Variants in CHL1 observed in about 807,000 individuals in gnomAD.
CHL1 encodes the protein cell adhesion molecule L1 like, also known as neural cell adhesion molecule L1-like protein.
Under a neutral mutation model 141.9 loss-of-function variants are expected in CHL1, and 96 were observed. The observed-to-expected ratio is 0.68, with a 90% CI of 0.57 to 0.80. The LOEUF (loss-of-function observed/expected upper bound fraction) is 0.80. Ranked by LOEUF, CHL1 falls within the 30% of genes least tolerant of loss-of-function variation. The pLI, the probability that CHL1 is intolerant of heterozygous loss-of-function variation, is 0.00. For synonymous variants in CHL1, 613 were observed against 502.2 expected (o/e 1.22, Z -2.95); for missense variants, 1,820 against 1,457.2 (o/e 1.25, Z -4.05).
chr3:354,642 C>T lies in CHL1; in HGVS notation c.1036C>T (p.Pro346Ser), dbSNP rs149418187. ...TGAGCTCTTCACTTTACATCCAGAG[C>T]CTCCTCGCTGGACAAAGAAGCCTCA... ...THDFHVIVEEPPRWTKKPQSA... is the reference protein window; with the variant it reads ...THDFHVIVEESPRWTKKPQSA... Residue 346 changes from proline to serine, a missense_variant and splice_region_variant, in exon 11 of 28, where the codon CCT (proline) becomes TCT (serine). Transcript: ENST00000256509. 3 of 1,610,508 alleles carry T rather than the reference C, an allele frequency of 1.9e-6. No homozygotes were observed. The African/African-American group carries it at 4.0e-5, about 22-fold the overall frequency.
chr3:351,456 T>G (rs1703249113), intron 10 of CHL1, among the ~76,000 whole-genome samples: 3 of 152,210 alleles, frequency 2.0e-5, no homozygotes, highest in Admixed American at 2.0e-4. Context: ...TTACTTTTTT[T>G]TCTAAAGTGT....
intron 8 of CHL1, among the ~76,000 whole-genome samples, chr3:343,557 C>T (rs901286765): frequency 2.0e-5 from 3 of 152,130 alleles, no homozygotes; most frequent in Non-Finnish European, 2.9e-5. Flanking sequence ...CCCCATAGAA[C>T]GTCTACCAGA....
intron 2 of CHL1, among the ~76,000 whole-genome samples, chr3:277,559 C>A (rs146821307): frequency 0.016 from 2,447 of 152,204 alleles, 80 homozygotes; most frequent in African/African-American, 0.056. Flanking sequence ...CCAATTGCTT[C>A]CGTTTTAAAC....
rs973463818 is a variant in CHL1, at chr3:262,549, C to T, written c.-95+17857C>T. 3.3e-5 allele frequency among the ~76,000 whole-genome samples: 5 copies of T among 149,294 alleles called. No homozygotes were observed. The South Asian group carries it at 8.6e-4, about 26-fold the overall frequency. ...CAGTACTTACAGGGCAGGATTCACA[C>T]GTTTAAGCCTAGATCTACACAGTAC... is the stretch of plus-strand genomic sequence containing the variant. On this transcript the variant is annotated intron_variant, in intron 2 of 27. Transcript: ENST00000256509.
In CHL1 at chr3:367,418, G is replaced by A. The variant is rs1391731883; in HGVS notation, c.1751+1303G>A. 3.9e-5 allele frequency among the ~76,000 whole-genome samples: 6 copies of A among 152,196 alleles called. No homozygotes were observed. The East Asian group carries it at 1.2e-3, about 29-fold the overall frequency. On this transcript the variant is annotated intron_variant, in intron 15 of 27. Transcript: ENST00000256509. ...CAAATCTCAGCTCAGTCACTTATTA[G>A]ATCTTTGAACTTAGACAAGCTGCTT...
intron 2 of CHL1, among the ~76,000 whole-genome samples, chr3:278,591 C>T (rs971668423): frequency 6.6e-6 from 1 of 152,178 alleles, no homozygotes; most frequent in Admixed American, 6.5e-5. Context: ...ATAAAATTAA[C>T]CTGTTTTCCT....
At chr3:300,694 A>G (rs331879) in intron 2 of CHL1, among the ~76,000 whole-genome samples, 35,145 of 152,088 alleles carry the variant, frequency 0.23, 5,838 homozygotes, top group African/African-American at 0.45. Context: ...CAAGCATCAT[A>G]AGACATTACA....
At position 234,449 on chromosome 3, in the gene CHL1, C is replaced by T. The variant is rs201984560; in HGVS notation, c.-174-10164C>T. 6.6e-5 allele frequency among the ~76,000 whole-genome samples: 10 copies of T among 152,070 alleles called. No individual in the cohort carries two copies. The East Asian group carries it at 1.2e-3, about 18-fold the overall frequency. ...AGGTTCACTGCAGCATGAGACGTTA[C>T]GTAGTTATCAAGACTAAAATACAAA... On this transcript the variant is annotated intron_variant, in intron 1 of 27. Coordinates refer to ENST00000256509, the MANE Select transcript of CHL1 (RefSeq NM_006614.4).
intron 16 of CHL1, 95 bp from the exon 17 acceptor site, chr3:382,084 C>T: frequency 2.0e-6 from 2 of 995,272 alleles, no homozygotes; most frequent in Non-Finnish European, 3.0e-6. Context: ...GAGGGTGGTA[C>T]CTCCTCTGTC....
intron 15 of CHL1, chr3:373,898 C>T (rs1044752800): frequency 6.6e-6 from 1 of 152,586 alleles, no homozygotes; most frequent in Non-Finnish European, 1.5e-5. Flanking sequence ...GTTCTTCCCT[C>T]CTCTCCGCGG....
chr3:247,215 A>G (rs568269267), intron 2 of CHL1: 2 of 152,090 alleles, frequency 1.3e-5, no homozygotes, highest in African/African-American at 4.8e-5. Flanking sequence ...TCAAATGCTT[A>G]GTTACACCAG....
At position 394,859 on chromosome 3, in the gene CHL1, C is replaced by G; in HGVS notation, c.3081C>G (p.Thr1027=). Residue 1027 remains threonine, a synonymous_variant, in exon 24 of 28, where the codon ACC becomes ACG. Coordinates refer to ENST00000256509, the MANE Select transcript of CHL1 (RefSeq NM_006614.4). Reference sequence around the variant, plus strand: ...AACCGATCACGGAGGAAAGCTCCACCTTAGGAGAAGGGAGTAAGTACATGA... The same window carrying G: ...AACCGATCACGGAGGAAAGCTCCACGTTAGGAGAAGGGAGTAAGTACATGA... ...CGKPITEESS[T]LGEGSKGIGK... The G allele has an allele frequency of 6.2e-7, 1 of 1,611,348 alleles. No homozygotes were observed. Among genetic ancestry groups the G allele is most frequent in the Non-Finnish European group, 8.5e-7 (1 of 1,179,176 alleles).
chr3:395,040 A>G (rs561604025), intron 24 of CHL1, among the ~76,000 whole-genome samples, 168 bp downstream of exon 24: 2 of 152,336 alleles, frequency 1.3e-5, no homozygotes, highest in South Asian at 4.1e-4. Flanking sequence ...GGCAGAATTT[A>G]TTAATCTGTT....
chr3:262,827 T>A (rs1042226543), intron 2 of CHL1, among the ~76,000 whole-genome samples: 1 of 152,028 alleles, frequency 6.6e-6, no homozygotes, highest in African/African-American at 2.4e-5. Flanking sequence ...GACATGGGAG[T>A]TCATTCAAGC....
chr3:256,914 C>G (rs1443450095), intron 2 of CHL1, among the ~76,000 whole-genome samples: 1 of 152,200 alleles, frequency 6.6e-6, no homozygotes, highest in African/African-American at 2.4e-5. Context: ...GGAGCAAAGA[C>G]ACGAGTCTGT....
Position 377,293 on chromosome 3 carries a change from T to C in CHL1, c.1752-525T>C, listed in dbSNP as rs201849901. On this transcript the variant is annotated intron_variant, in intron 15 of 27. Coordinates refer to ENST00000256509, the MANE Select transcript of CHL1 (RefSeq NM_006614.4). ...TAAGTCATATGCTTCAATTGCTATCTGATCTTAATGTGCATTGTACTTGGG... is the reference window on the plus strand; with the variant it reads ...TAAGTCATATGCTTCAATTGCTATCCGATCTTAATGTGCATTGTACTTGGG... 3.9e-5 allele frequency among the ~76,000 whole-genome samples: 6 copies of C among 152,350 alleles called. No individual in the cohort carries two copies. The East Asian group carries it at 1.2e-3, about 29-fold the overall frequency.
chr3:352,200 A>G (rs188899047), intron 10 of CHL1, among the ~76,000 whole-genome samples: 1 of 152,190 alleles, frequency 6.6e-6, no homozygotes, highest in Non-Finnish European at 1.5e-5. Context: ...CTTGTTTTCA[A>G]ATAACAAACC....
chr3:242,596 A>AAAAT (rs1056237721), intron 1 of CHL1, among the ~76,000 whole-genome samples: 1 of 107,362 alleles, frequency 9.3e-6, no homozygotes, highest in Non-Finnish European at 2.2e-5. Flanking sequence ...ACTCCATCTC[A>AAAAT]AAATAAATAA....
Position 354,926 on chromosome 3 carries a change from G to T in CHL1, c.1165+155G>T, listed in dbSNP as rs149190537. On this transcript the variant is annotated intron_variant, in intron 11 of 27. Transcript: ENST00000256509. ...GAGATTGTTTATTTCTAAGCAATTT[G>T]GTTGTTAAGACTTGATATTCATGGA... 5.0e-3 allele frequency among the ~76,000 whole-genome samples: 767 copies of T among 152,164 alleles called. 6 individuals are homozygous for T. Among genetic ancestry groups the T allele is most frequent in the African/African-American group, 0.018 (742 of 41,516 alleles).
Sources: allele counts gnomAD v4.1 joint callset (sites outside exome capture counted in the v4.1 genomes callset), GRCh38; gene constraint gnomAD v4.1.1; transcripts MANE v1.5; gene names NCBI Gene and HGNC (gene_info 2026-07-23, HGNC 2026-07-21).